GLI3: variants seen among roughly 807,000 people sequenced by gnomAD.
The protein encoded by GLI3 is transcription activator GLI3.
In GLI3, 20 loss-of-function variants were observed where a neutral mutation model predicts 100.8. The ratio of observed to expected loss-of-function variants is 0.20; its 90% CI spans 0.14 to 0.29. The LOEUF is 0.29. Ranked by LOEUF, GLI3 falls within the 10% of genes least tolerant of loss-of-function variation. The pLI is 1.00. For missense variants in GLI3, 2,040 were observed against 2,128.5 expected (o/e 0.96, Z 0.82); for synonymous variants, 938 against 860.5 (o/e 1.09, Z -1.58).
At chr7:42,146,149 G>C (rs1028067465) in intron 3 of GLI3, among the ~76,000 whole-genome samples, 1 of 152,200 alleles carries the variant, frequency 6.6e-6, no homozygotes, top group African/African-American at 2.4e-5. Flanking sequence ...AACTTATACA[G>C]TTTATAAGTT....
intron 10 of GLI3, among the ~76,000 whole-genome samples, chr7:41,997,438 C>T (rs191405896): frequency 6.6e-6 from 1 of 152,240 alleles, no homozygotes; most frequent in African/African-American, 2.4e-5. Context: ...AAAGTGAACG[C>T]TACTGACAAT....
chr7:42,162,039 A>G (rs1185695364), intron 2 of GLI3, among the ~76,000 whole-genome samples: 2 of 152,190 alleles, frequency 1.3e-5, no homozygotes, highest in Admixed American at 6.5e-5. Context: ...TAAAAACAGA[A>G]TGGCTGCTGC....
intron 1 of GLI3, among the ~76,000 whole-genome samples, chr7:42,236,700 G>A (rs981579330): frequency 2.0e-5 from 3 of 152,196 alleles, no homozygotes; most frequent in Non-Finnish European, 4.4e-5. Context: ...GGCAAACTTC[G>A]TCCCCCCTCC....
At position 42,164,778 on chromosome 7, in the gene GLI3, C is replaced by T. The variant is rs530311469; in HGVS notation, c.125-16310G>A. On this transcript the variant is annotated intron_variant, in intron 2 of 14. Transcript: ENST00000395925. ...TCAGGAGGTGGAGCTTGCAGTGAGC[C>T]GAGATCACGCCACTGCACTCCAGCC... Among the ~76,000 whole-genome samples the T allele has an allele frequency of 7.0e-4, 105 of 150,128 alleles. 1 individual carries two copies. Among genetic ancestry groups the T allele is most frequent in the Non-Finnish European group, 1.2e-3 (82 of 67,574 alleles).
chr7:42,075,869 T>C (rs779755877), intron 4 of GLI3, among the ~76,000 whole-genome samples: 1 of 152,242 alleles, frequency 6.6e-6, no homozygotes, highest in Non-Finnish European at 1.5e-5. Context: ...TTTGGCATAA[T>C]ATGTAATTAC....
At chr7:42,153,593 G>T (rs574176803) in intron 2 of GLI3, among the ~76,000 whole-genome samples, 1 of 150,770 alleles carries the variant, frequency 6.6e-6, no homozygotes, top group African/African-American at 2.4e-5. Flanking sequence ...AAGGGGGGGT[G>T]GGGGGAAAGA....
intron 1 of GLI3, 38 bp from the exon 2 acceptor site, chr7:42,223,333 G>T: frequency 8.0e-6 from 9 of 1,120,616 alleles, no homozygotes; most frequent in East Asian, 2.8e-5. Flanking sequence ...TTCCAAAATG[G>T]TGGAAAAAAA....
chr7:42,182,658 A>ATATATATATATACATGTGTGTGTG (rs1554337020), intron 2 of GLI3, among the ~76,000 whole-genome samples: 3 of 56,052 alleles, frequency 5.4e-5, no homozygotes, highest in African/African-American at 1.0e-4. Flanking sequence ...ATATATATAT[A>ATATATATATATACATGTGTGTGTG]TATATATATA....
At chr7:42,205,726 A>T (rs919397871) in intron 2 of GLI3, among the ~76,000 whole-genome samples, 1 of 152,178 alleles carries the variant, frequency 6.6e-6, no homozygotes, top group Non-Finnish European at 1.5e-5. Context: ...CACAGCAAAC[A>T]CCTGTTAGGT....
At position 42,114,016 on chromosome 7, in the gene GLI3, C is replaced by T. The variant is rs555246232; in HGVS notation, c.367+34210G>A. Among the ~76,000 whole-genome samples, 3 of 152,338 alleles carry T rather than the reference C, an allele frequency of 2.0e-5. No homozygotes were observed. The South Asian group carries it at 6.2e-4, about 32-fold the overall frequency. ...TAGGCTTAACTCCCTTAAAGCCAGA[C>T]ATCTGTTGGGACATGATCCCCAGTC... On this transcript the variant is annotated intron_variant, in intron 3 of 14. Transcript: ENST00000395925.
At chr7:42,209,540 C>T (rs1341031119) in intron 2 of GLI3, among the ~76,000 whole-genome samples, 1 of 152,166 alleles carries the variant, frequency 6.6e-6, no homozygotes, top group African/African-American at 2.4e-5. Context: ...ATTTATGGGA[C>T]ATCTTTCCTT....
chr7:41,984,702 G>A (rs965016134), intron 10 of GLI3, among the ~76,000 whole-genome samples: 1 of 152,186 alleles, frequency 6.6e-6, no homozygotes, highest in Non-Finnish European at 1.5e-5. Flanking sequence ...GGGGGGAAAC[G>A]CGAAGCTTCA....
At chr7:42,022,425 GA>G in intron 10 of GLI3, among the ~76,000 whole-genome samples, 1 of 152,046 alleles carries the variant, frequency 6.6e-6, no homozygotes, top group South Asian at 2.1e-4. Flanking sequence ...CAAGAAACAT[GA>G]ATTGCCTAAA....
intron 3 of GLI3, among the ~76,000 whole-genome samples, chr7:42,122,554 CT>C (rs1287184883): frequency 1.3e-5 from 2 of 152,120 alleles, no homozygotes; most frequent in Non-Finnish European, 2.9e-5. Context: ...GAAGCAGGTA[CT>C]TGGTGTCAGG....
At chr7:42,160,939 C>T (rs560244658) in intron 2 of GLI3, among the ~76,000 whole-genome samples, 2 of 152,182 alleles carry the variant, frequency 1.3e-5, no homozygotes, top group South Asian at 2.1e-4. Flanking sequence ...ACTTCTTCAA[C>T]GTATCTCTGG....
chr7:41,964,622 G>T lies in GLI3; in HGVS notation c.4451C>A (p.Ala1484Asp). 1 of 1,614,002 alleles carries T rather than the reference G, an allele frequency of 6.2e-7. No homozygotes were observed. The highest frequency in any genetic ancestry group is 8.5e-7 in the Non-Finnish European group (1 of 1,179,846). Residue 1484 changes from alanine to aspartate, a missense_variant, in exon 15 of 15, where the codon GCT becomes GAT. Ala to Asp is a moderately radical substitution (Grantham distance 126). Around this residue, in one of 5 missense-constraint regions of GLI3, gnomAD observed 1,041 missense variants for 924.0 expected, o/e 1.13. Coordinates refer to ENST00000395925, the MANE Select transcript of GLI3 (RefSeq NM_000168.6). ...GTCCACTGTGCTTGTCACCTGATTA[G>T]CACCTGGGGAAAGTAACTCAGAGTT... ...AKNSELLSPG[A>D]NQVTSTVDSL...
intron 1 of GLI3, among the ~76,000 whole-genome samples, chr7:42,261,335 A>G (rs1270557643): frequency 1.3e-5 from 2 of 151,896 alleles, no homozygotes; most frequent in African/African-American, 4.8e-5. Context: ...TGAGGGACCC[A>G]CCCCCATAGA....
chr7:42,206,396 T>G (rs932051537), intron 2 of GLI3, among the ~76,000 whole-genome samples: 3 of 152,104 alleles, frequency 2.0e-5, no homozygotes, highest in African/African-American at 7.2e-5. Flanking sequence ...TTAATACATG[T>G]TAATATTTTG....
chr7:42,101,577 G>C (rs1055368379), intron 3 of GLI3, among the ~76,000 whole-genome samples: 1 of 151,956 alleles, frequency 6.6e-6, no homozygotes, highest in African/African-American at 2.4e-5. Flanking sequence ...CTGCAGTCCA[G>C]CTTGGGCGAC....
Sources: allele counts gnomAD v4.1 joint callset (sites outside exome capture counted in the v4.1 genomes callset), GRCh38; gene constraint gnomAD v4.1.1; regional missense constraint gnomAD v4.1.1; transcripts MANE v1.5; gene names NCBI Gene and HGNC (gene_info 2026-07-23, HGNC 2026-07-21).